The following ULK4 variants were observed in gnomAD, a reference collection of about 807,000 sequenced individuals.
ULK4 encodes the protein unc-51 like kinase 4, also known as inactive serine/threonine-protein kinase ULK4.
In ULK4, 133 loss-of-function variants were observed where a neutral mutation model predicts 160.6. That is an observed-to-expected ratio of 0.83 (90% confidence interval 0.72 to 0.96). The LOEUF (loss-of-function observed/expected upper bound fraction) is 0.96, where lower values mean the gene tolerates loss of function less well. Among genes scored for constraint, ULK4 ranks in the 40% least tolerant of loss-of-function variants. The pLI is 0.00. For missense variants in ULK4, 1,580 were observed against 1,499.5 expected, an observed-to-expected ratio of 1.05 and a Z score of -0.89; for synonymous variants, 534 against 539.8, an observed-to-expected ratio of 0.99 and a Z score of 0.15.
chr3:41,852,598 C>T (rs1031679185), intron 17 of ULK4, among the ~76,000 whole-genome samples: 2 of 151,560 alleles, frequency 1.3e-5, no homozygotes, highest in Admixed American at 1.3e-4. Flanking sequence ...AAGAAGAAAA[C>T]TGAAGAAAAG....
At chr3:41,853,524 G>A (rs77499986) in intron 17 of ULK4, among the ~76,000 whole-genome samples, 384 of 152,240 alleles carry the variant, frequency 2.5e-3, no homozygotes, top group African/African-American at 8.2e-3. Flanking sequence ...GTTAGATCAC[G>A]TACCCTACAC....
intron 32 of ULK4, among the ~76,000 whole-genome samples, chr3:41,491,711 T>G (rs375774024): frequency 1.7e-4 from 26 of 152,176 alleles, no homozygotes; most frequent in Middle Eastern, 6.8e-3. Flanking sequence ...TTTTTTTTAT[T>G]CATTTGCTTT....
At chr3:41,363,451 A>G (rs1407496594) in intron 35 of ULK4, among the ~76,000 whole-genome samples, 1 of 152,178 alleles carries the variant, frequency 6.6e-6, no homozygotes, top group Admixed American at 6.6e-5. Context: ...GGCCTGGGAT[A>G]GCTCCCTACC....
In ULK4 at chr3:41,951,759, G is replaced by A. The variant is rs185566438; in HGVS notation, c.138+2863C>T. 4.6e-5 allele frequency among the ~76,000 whole-genome samples: 7 copies of A among 152,282 alleles called. 1 individual carries two copies. In the East Asian group the frequency reaches 1.2e-3, roughly 25 times the overall value. On this transcript the variant is annotated intron_variant, in intron 2 of 36. Coordinates refer to ENST00000301831, the MANE Select transcript of ULK4 (RefSeq NM_017886.4). ...TTAGGAGGTGGAACCTTTAGGAGGC[G>A]ATTAGGTCATCAGGGCTCTGCCCTC...
chr3:41,804,798 T>C (rs572127529), intron 19 of ULK4, among the ~76,000 whole-genome samples: 69 of 152,298 alleles, frequency 4.5e-4, no homozygotes, highest in African/African-American at 1.5e-3. Flanking sequence ...GTTGTAGATA[T>C]GTGGCATTAT....
At chr3:41,375,666 C>A (rs1403658321) in intron 35 of ULK4, among the ~76,000 whole-genome samples, 1 of 150,226 alleles carries the variant, frequency 6.7e-6, no homozygotes, top group Non-Finnish European at 1.5e-5. Flanking sequence ...AGACCTAAAC[C>A]CATAAAAACC....
intron 35 of ULK4, among the ~76,000 whole-genome samples, chr3:41,341,496 T>C (rs1020227388): frequency 1.3e-5 from 2 of 152,190 alleles, no homozygotes; most frequent in African/African-American, 2.4e-5. Context: ...GTTTGGACTT[T>C]TGTGCTTCTG....
chr3:41,619,322 A>G (rs901603558), intron 30 of ULK4, among the ~76,000 whole-genome samples: 3 of 152,192 alleles, frequency 2.0e-5, no homozygotes, highest in African/African-American at 7.2e-5. Context: ...CAGACTATAC[A>G]TTCTTCTCAG....
chr3:41,782,127 T>C (rs1435734668), intron 21 of ULK4, among the ~76,000 whole-genome samples: 1 of 152,020 alleles, frequency 6.6e-6, no homozygotes, highest in East Asian at 1.9e-4. Context: ...ACCTTTCTGA[T>C]TTTCACTTCA....
chr3:41,698,005 G>A (rs2036556767), intron 27 of ULK4, among the ~76,000 whole-genome samples: 2 of 151,966 alleles, frequency 1.3e-5, no homozygotes, highest in Non-Finnish European at 2.9e-5. Context: ...TCTTTTATTG[G>A]TATACTCACC....
intron 31 of ULK4, among the ~76,000 whole-genome samples, chr3:41,577,883 G>A (rs562977994): frequency 1.3e-5 from 2 of 152,306 alleles, no homozygotes; most frequent in Admixed American, 6.5e-5. Context: ...ATTCAAGGAT[G>A]TAACTTTAAA....
intron 22 of ULK4, among the ~76,000 whole-genome samples, chr3:41,721,279 T>TTTTTTTTTTTTTTTTGG (rs67078043): frequency 4.0e-5 from 4 of 98,916 alleles, no homozygotes; most frequent in East Asian, 5.5e-4. Flanking sequence ...TTTTTTTTTT[T>TTTTTTTTTTTTTTTTGG]TTTTTGGGTT....
At chr3:41,597,887 C>CA (rs1484836205) in intron 31 of ULK4, among the ~76,000 whole-genome samples, 3 of 151,778 alleles carry the variant, frequency 2.0e-5, no homozygotes, top group South Asian at 4.2e-4. Flanking sequence ...TGGAGAAAAG[C>CA]AAAAAAACGA....
intron 35 of ULK4, among the ~76,000 whole-genome samples, chr3:41,377,217 A>G (rs1446168887): frequency 6.6e-6 from 1 of 152,228 alleles, no homozygotes; most frequent in Non-Finnish European, 1.5e-5. Context: ...TTAGACAAAA[A>G]TCAATTCAAG....
At chr3:41,467,909 T>C (rs1299662346) in intron 32 of ULK4, among the ~76,000 whole-genome samples, 1 of 152,216 alleles carries the variant, frequency 6.6e-6, no homozygotes, top group African/African-American at 2.4e-5. Context: ...ATATAAGATT[T>C]GTACCTTTTA....
At chr3:41,741,417 G>A (rs1021860276) in intron 22 of ULK4, among the ~76,000 whole-genome samples, 3 of 151,650 alleles carry the variant, frequency 2.0e-5, no homozygotes, top group Non-Finnish European at 4.4e-5. Flanking sequence ...ATCCTTCCAG[G>A]TTAATCAAAT....
chr3:41,561,571 C>T (rs1483148831), intron 32 of ULK4, among the ~76,000 whole-genome samples: 4 of 152,132 alleles, frequency 2.6e-5, no homozygotes, highest in African/African-American at 7.2e-5. Flanking sequence ...GACTCAACTT[C>T]CGCCTGGTTT....
At chr3:41,585,241 A>G (rs923049414) in intron 31 of ULK4, among the ~76,000 whole-genome samples, 1 of 152,216 alleles carries the variant, frequency 6.6e-6, no homozygotes, top group Admixed American at 6.5e-5. Flanking sequence ...AACTTCTCCA[A>G]GTTTTCTCAC....
chr3:41,663,545 A>T, intron 30 of ULK4, 62 bp downstream of exon 30: 1 of 1,431,514 alleles, frequency 7.0e-7, no homozygotes, highest in Non-Finnish European at 9.8e-7. Context: ...TAACATTTTC[A>T]CAACACATAA....
Sources: gnomAD v4.1 joint callset for allele counts (sites outside exome capture counted in the v4.1 genomes callset) on GRCh38, gnomAD v4.1.1 for gene constraint, MANE v1.5 for transcripts, NCBI Gene and HGNC (gene_info 2026-07-23, HGNC 2026-07-21) for gene names.